The following PALLD variants were observed in gnomAD, a reference collection of about 807,000 sequenced individuals.
PALLD encodes the protein palladin.
A neutral mutation model predicts 123.5 loss-of-function variants in PALLD; 61 were observed. That is an observed-to-expected ratio of 0.49 (90% confidence interval 0.40 to 0.61). The LOEUF (loss-of-function observed/expected upper bound fraction) is 0.61. Ranked by LOEUF, PALLD falls within the 20% of genes least tolerant of loss-of-function variation. The pLI is 0.00. For synonymous variants in PALLD, 465 were observed against 496.4 expected (o/e 0.94, Z 0.84); for missense variants, 1,273 against 1,377.0 (o/e 0.92, Z 1.20).
At chr4:168,665,703 T>A (rs901352498) in intron 2 of PALLD, among the ~76,000 whole-genome samples, 2 of 152,206 alleles carry the variant, frequency 1.3e-5, no homozygotes, top group African/African-American at 4.8e-5. Flanking sequence ...ACCTAGGGGA[T>A]CTGAACTGAT....
chr4:168,499,762 C>T (rs1346214534), intron 1 of PALLD, among the ~76,000 whole-genome samples: 2 of 152,176 alleles, frequency 1.3e-5, no homozygotes, highest in African/African-American at 2.4e-5. Context: ...TTTTAAATGA[C>T]TATGGGAATT....
chr4:168,617,046 T>G (rs1461319108), intron 2 of PALLD, among the ~76,000 whole-genome samples: 1 of 152,180 alleles, frequency 6.6e-6, no homozygotes, highest in Non-Finnish European at 1.5e-5. Flanking sequence ...GCTTCCTGCT[T>G]CTTCTTTCTT....
Position 168,625,500 on chromosome 4 carries a change from G to GAGATAGATAGATAGATAGATAGATAGAT in PALLD, c.909-42685_909-42684insGATAGATAGATAGATAGATAGATAGATA, listed in dbSNP as rs148655486. Among the ~76,000 whole-genome samples the GAGATAGATAGATAGATAGATAGATAGAT allele has an allele frequency of 7.1e-4, 25 of 35,236 alleles. 1 individual carries two copies. The highest frequency in any genetic ancestry group is 3.5e-3 in the Admixed American group (8 of 2,290). 23.1% of individuals were successfully genotyped at this position (35,236 alleles called of 152,430 possible). A position where few individuals can be genotyped will look rare whatever the true frequency, so the allele number is the denominator to read the frequency against. ...TATCCAATAAGGGATTAATATCCAG[G>GAGATAGATAGATAGATAGATAGATAGAT]AGATATATATATATATATCCTATAA... On this transcript the variant is annotated intron_variant, in intron 2 of 21. Coordinates refer to ENST00000505667, the MANE Select transcript of PALLD (RefSeq NM_001166108.2).
Position 168,703,405 on chromosome 4 carries a change from G to A in PALLD, c.1502-5623G>A, listed in dbSNP as rs1411796243. On this transcript the variant is annotated intron_variant, in intron 8 of 21. Coordinates refer to ENST00000505667, the MANE Select transcript of PALLD (RefSeq NM_001166108.2). ...TGTCTTTATAGCAGCATGATTTATA[G>A]TCCTTTGGGTATATACCCAGTAATG... Among the ~76,000 whole-genome samples, 95 of 119,574 alleles carry A rather than the reference G, an allele frequency of 7.9e-4. 8 individuals carry two copies. In the South Asian group the frequency reaches 0.025, roughly 32 times the overall value. 78.4% of individuals were successfully genotyped at this position (119,574 alleles called of 152,430 possible).
intron 10 of PALLD, among the ~76,000 whole-genome samples, chr4:168,811,193 C>T (rs1482063371): frequency 1.3e-5 from 2 of 152,172 alleles, no homozygotes; most frequent in Admixed American, 6.5e-5. Flanking sequence ...TGCCTGGATT[C>T]GTGGTTCAGC....
At chr4:168,698,059 C>T (rs1783312584) in intron 8 of PALLD, among the ~76,000 whole-genome samples, 1 of 152,188 alleles carries the variant, frequency 6.6e-6, no homozygotes, top group Non-Finnish European at 1.5e-5. Context: ...GAGATCCTAT[C>T]ATTTGCAACA....
chr4:168,728,687 C>T lies in PALLD; in HGVS notation c.1964+16764C>T, dbSNP rs537304678. On this transcript the variant is annotated intron_variant, in intron 10 of 21. Transcript: ENST00000505667. ...GAATTCCTTTTTTCCTTTTGGATGC[C>T]TTTTATTTCGTTTTAATTGTTTTTT... 2.2e-4 allele frequency among the ~76,000 whole-genome samples: 33 copies of T among 152,068 alleles called. No individual in the cohort carries two copies. In the South Asian group the frequency reaches 6.9e-3, roughly 32 times the overall value.
chr4:168,571,221 C>A (rs746284441), intron 2 of PALLD, among the ~76,000 whole-genome samples: 7 of 152,170 alleles, frequency 4.6e-5, no homozygotes, highest in Non-Finnish European at 1.0e-4. Flanking sequence ...CCTTCTGCTT[C>A]ATTTATTCTG....
intron 10 of PALLD, among the ~76,000 whole-genome samples, chr4:168,878,751 T>G (rs1355156864): frequency 1.3e-5 from 2 of 151,944 alleles, no homozygotes; most frequent in African/African-American, 2.4e-5. Context: ...TTATTTCATT[T>G]GATACAACAT....
chr4:168,850,512 G>A (rs1032701867), intron 10 of PALLD, among the ~76,000 whole-genome samples: 7 of 122,890 alleles, frequency 5.7e-5, no homozygotes, highest in Non-Finnish European at 1.2e-4. Context: ...TAATTTGTAA[G>A]TCTGTCATTT....
At chr4:168,523,308 A>T (rs1763745070) in intron 2 of PALLD, among the ~76,000 whole-genome samples, 1 of 151,972 alleles carries the variant, frequency 6.6e-6, no homozygotes, top group Non-Finnish European at 1.5e-5. Context: ...AGGCAGACAA[A>T]GAAAACTCTC....
At chr4:168,545,302 G>A (rs143603548) in intron 2 of PALLD, among the ~76,000 whole-genome samples, 33 of 152,104 alleles carry the variant, frequency 2.2e-4, no homozygotes, top group Non-Finnish European at 4.1e-4. Context: ...TGAGGCAGGC[G>A]GATTACCTGA....
intron 2 of PALLD, among the ~76,000 whole-genome samples, chr4:168,577,366 T>C (rs1580394858): frequency 6.6e-6 from 1 of 152,126 alleles, no homozygotes; most frequent in African/African-American, 2.4e-5. Flanking sequence ...GACTCAAATA[T>C]GGAAATATAG....
chr4:168,527,240 CG>C (rs961508751), intron 2 of PALLD, among the ~76,000 whole-genome samples: 11 of 151,822 alleles, frequency 7.2e-5, no homozygotes, highest in African/African-American at 2.4e-4. Flanking sequence ...CTGACCAACA[CG>C]GAGAAACCCT....
Position 168,898,710 on chromosome 4 carries a change from C to T in PALLD, c.2468C>T (p.Pro823Leu). 6.2e-7 allele frequency: 1 copy of T among 1,607,770 alleles called. No homozygotes were observed. The highest frequency in any genetic ancestry group is 8.5e-7 in the Non-Finnish European group (1 of 1,174,200). ...TGTAGAGTGGCTGGAAATCCAAAGC[C>T]AAAGGTGAGCTGGGAGATGGAGGCT... ...FTCRVAGNPK[P>L]KIYWFKDGKQ... The change falls in exon 14 of 22, where the codon CCA (proline) becomes CTA (leucine). Residue 823 changes from proline to leucine, a missense_variant. Pro to Leu is a moderately conservative substitution (Grantham distance 98, BLOSUM62 -3). Coordinates refer to ENST00000505667, the MANE Select transcript of PALLD (RefSeq NM_001166108.2).
chr4:168,874,703 T>G (rs1156351967), intron 10 of PALLD, among the ~76,000 whole-genome samples: 2 of 151,950 alleles, frequency 1.3e-5, no homozygotes, highest in East Asian at 3.9e-4. Flanking sequence ...GTTACATGCC[T>G]GAAGTAGTGT....
At position 168,890,903 on chromosome 4, in the gene PALLD, T is replaced by C. The variant is rs1754062858; in HGVS notation, c.1965-19T>C. On this transcript the variant is annotated intron_variant, in intron 10 of 21. Coordinates refer to ENST00000505667, the MANE Select transcript of PALLD (RefSeq NM_001166108.2). ...ATGCCTGACAACTAACTATACTGCC[T>C]TGTGTTTTTATCCTGCAGAGGATTT... The C allele has an allele frequency of 6.2e-7, 1 of 1,613,586 alleles. No individual in the cohort carries two copies. Among genetic ancestry groups the C allele is most frequent in the Admixed American group, 1.7e-5 (1 of 59,992 alleles).
chr4:168,894,783 C>A, intron 12 of PALLD, 106 bp downstream of exon 12: 1 of 1,532,932 alleles, frequency 6.5e-7, no homozygotes. Context: ...AAGTAGAGGG[C>A]AAGTCACAGA....
intron 10 of PALLD, among the ~76,000 whole-genome samples, chr4:168,729,668 G>A (rs991193460): frequency 1.3e-5 from 2 of 151,838 alleles, no homozygotes; most frequent in African/African-American, 4.8e-5. Flanking sequence ...TCTTCTCCTG[G>A]CTCCCTTGGT....
Sources: allele counts gnomAD v4.1 joint callset (sites outside exome capture counted in the v4.1 genomes callset), GRCh38; gene constraint gnomAD v4.1.1; transcripts MANE v1.5; gene names NCBI Gene and HGNC (gene_info 2026-07-23, HGNC 2026-07-21).